RNF214: variants seen among roughly 807,000 people sequenced by gnomAD.
RNF214 encodes the protein ring finger protein 214.
RNF214 carries 25 observed loss-of-function variants against 75.9 expected under a neutral mutation model. The observed-to-expected ratio is 0.33, with a 90% CI of 0.24 to 0.46. The LOEUF (loss-of-function observed/expected upper bound fraction) is 0.46, where lower values mean the gene tolerates loss of function less well. Among genes scored for constraint, RNF214 ranks in the 20% least tolerant of loss-of-function variants. RNF214 has a pLI of 1.00. For synonymous variants in RNF214, 314 were observed against 308.8 expected, an observed-to-expected ratio of 1.02 and a Z score of -0.18; for missense variants, 725 against 857.5, an observed-to-expected ratio of 0.85 and a Z score of 1.93.
intron 6 of RNF214, among the ~76,000 whole-genome samples, chr11:117,257,905 T>A (rs961810604): frequency 3.9e-5 from 6 of 152,194 alleles, no homozygotes; most frequent in African/African-American, 1.4e-4. Flanking sequence ...ATTAAATTAC[T>A]GGATTTACTT....
chr11:117,276,791 A>G (rs908741341), intron 6 of RNF214, among the ~76,000 whole-genome samples: 12 of 152,322 alleles, frequency 7.9e-5, no homozygotes, highest in East Asian at 5.8e-4. Context: ...GTAGTTGACA[A>G]TGTGTTTAAT....
chr11:117,274,031 G>C (rs1459544307), intron 6 of RNF214, among the ~76,000 whole-genome samples: 1 of 152,122 alleles, frequency 6.6e-6, no homozygotes, highest in African/African-American at 2.4e-5. Context: ...GAGGCAGCAG[G>C]CGCAAAACAC....
At position 117,283,171 on chromosome 11, in the gene RNF214, G is replaced by C; in HGVS notation, c.2007G>C (p.Glu669Asp). Residue 669 changes from glutamate to aspartate, a missense_variant, in exon 14 of 15, where the codon GAG (glutamate) becomes GAC (aspartate). Around this residue, in one of 2 missense-constraint regions of RNF214, gnomAD observed 363 missense variants for 513.0 expected, o/e 0.71. Transcript: ENST00000300650. ...LMCQKLVQPS[E>D]LHPMACTHVL... Reference sequence around the variant, plus strand: ...GCCAGAAACTCGTCCAGCCCAGTGAGCTGCATCCAATGGCGTGTACCCATG... The same window carrying C: ...GCCAGAAACTCGTCCAGCCCAGTGACCTGCATCCAATGGCGTGTACCCATG... 1.2e-6 allele frequency: 2 copies of C among 1,614,082 alleles called. No homozygotes were observed. The highest frequency in any genetic ancestry group is 1.7e-6 in the Non-Finnish European group (2 of 1,179,964).
chr11:117,278,510 A>G (rs2034062264), intron 6 of RNF214, among the ~76,000 whole-genome samples: 1 of 152,122 alleles, frequency 6.6e-6, no homozygotes, highest in Non-Finnish European at 1.5e-5. Context: ...AACGGCCTCT[A>G]TAGTTCTGAG....
intron 6 of RNF214, among the ~76,000 whole-genome samples, chr11:117,278,602 T>G (rs2034064101): frequency 6.6e-6 from 1 of 151,652 alleles, no homozygotes; most frequent in African/African-American, 2.4e-5. Context: ...ACCAGGAGAG[T>G]TGGTCACTGT....
Position 117,281,250 on chromosome 11 carries a change from C to T in RNF214, c.1146-64C>T, listed in dbSNP as rs558019276. The T allele has an allele frequency of 6.0e-3, 6,760 of 1,131,182 alleles. 26 individuals are homozygous for T. Among genetic ancestry groups the T allele is most frequent in the Non-Finnish European group, 7.6e-3 (5,670 of 749,282 alleles). 70.1% of individuals were successfully genotyped at this position (1,131,182 alleles called of 1,614,324 possible). On this transcript the variant is annotated intron_variant, in intron 8 of 14. Transcript: ENST00000300650. ...TGGCCTCTTGTGCTGGGATTACAGGCGTGAGTCACTGTTCCTAGCAGGGCT... is the reference window on the plus strand; with the variant it reads ...TGGCCTCTTGTGCTGGGATTACAGGTGTGAGTCACTGTTCCTAGCAGGGCT...
intron 6 of RNF214, among the ~76,000 whole-genome samples, chr11:117,252,713 G>T (rs2033429226): frequency 6.6e-6 from 1 of 151,728 alleles, no homozygotes; most frequent in South Asian, 2.1e-4. Flanking sequence ...GTAGAGACGG[G>T]GTTTCACTGT....
chr11:117,245,702 C>T (rs1009613439), intron 5 of RNF214, among the ~76,000 whole-genome samples: 12 of 152,092 alleles, frequency 7.9e-5, no homozygotes. Flanking sequence ...TGTTATGCAG[C>T]TATTTTTGAA....
intron 1 of RNF214, 69 bp from the exon 2 acceptor site, chr11:117,234,198 A>T: frequency 8.8e-7 from 1 of 1,133,446 alleles, no homozygotes; most frequent in Non-Finnish European, 1.3e-6. Flanking sequence ...GGACATTCTG[A>T]GGGGGGAGAG....
At chr11:117,274,395 T>C (rs1242499575) in intron 6 of RNF214, among the ~76,000 whole-genome samples, 3 of 130,810 alleles carry the variant, frequency 2.3e-5, no homozygotes, top group African/African-American at 8.7e-5. Flanking sequence ...GGAGACTTGC[T>C]CTTGTTGCCC....
At chr11:117,250,826 A>T (rs1488884475) in intron 6 of RNF214, among the ~76,000 whole-genome samples, 1 of 147,340 alleles carries the variant, frequency 6.8e-6, no homozygotes, top group Non-Finnish European at 1.5e-5. Context: ...CTTAACGAGC[A>T]TGCTGCCTTC....
chr11:117,257,868 A>G (rs1555055059), intron 6 of RNF214, among the ~76,000 whole-genome samples: 1 of 152,202 alleles, frequency 6.6e-6, no homozygotes, highest in Non-Finnish European at 1.5e-5. Context: ...GCTATTCAGT[A>G]ATCAACTGGG....
In RNF214 at chr11:117,239,677, T is replaced by C. The variant is rs2033017601; in HGVS notation, c.619-124T>C. 4 of 672,734 alleles carry C rather than the reference T, an allele frequency of 5.9e-6. No homozygotes were observed. In the South Asian group the frequency reaches 6.4e-5, roughly 11 times the overall value. 41.7% of individuals were successfully genotyped at this position (672,734 alleles called of 1,614,324 possible). A position where few individuals can be genotyped will look rare whatever the true frequency, so the allele number is the denominator to read the frequency against. On this transcript the variant is annotated intron_variant, in intron 3 of 14. Transcript: ENST00000300650. ...GCCAGAACTACATTGCTTAGCTTGCTTGGAAGCTGGTAAGGGGAAAGAGTA... is the reference window on the plus strand; with the variant it reads ...GCCAGAACTACATTGCTTAGCTTGCCTGGAAGCTGGTAAGGGGAAAGAGTA...
chr11:117,285,226 T>G lies in RNF214; in HGVS notation c.*75T>G, dbSNP rs2034229063. On this transcript the variant is annotated 3_prime_UTR_variant, in exon 15 of 15. Coordinates refer to ENST00000300650, the MANE Select transcript of RNF214 (RefSeq NM_207343.4). ...CGCGGGTTCAAGATTTCTAAAACTC[T>G]ATATTTATACAGTGACATATACTCA... The G allele has an allele frequency of 1.0e-6, 1 of 987,982 alleles. No individual in the cohort carries two copies. The highest frequency in any genetic ancestry group is 1.6e-5 in the African/African-American group (1 of 62,520). 61.2% of individuals were successfully genotyped at this position (987,982 alleles called of 1,614,324 possible).
At position 117,285,116 on chromosome 11, in the gene RNF214, A is replaced by G; in HGVS notation, c.2077A>G (p.Asn693Asp). ...CIKFWAQTNT[N>D]DTCPFCPTLK Reference sequence around the variant, plus strand: ...CAAATTCTGGGCCCAGACCAACACAAATGACACTTGTCCCTTTTGTCCAAC... The same window carrying G: ...CAAATTCTGGGCCCAGACCAACACAGATGACACTTGTCCCTTTTGTCCAAC... The change falls in exon 15 of 15, where the codon AAT (asparagine) becomes GAT (aspartate). Residue 693 changes from asparagine (N) to aspartate (D), a missense_variant. This residue lies in a region of RNF214 where 363 missense variants were observed against 513.0 expected (regional missense o/e 0.71). Coordinates refer to ENST00000300650, the MANE Select transcript of RNF214 (RefSeq NM_207343.4). The G allele has an allele frequency of 6.2e-7, 1 of 1,613,076 alleles. No homozygotes were observed. Among genetic ancestry groups the G allele is most frequent in the Non-Finnish European group, 8.5e-7 (1 of 1,179,118 alleles).
intron 6 of RNF214, among the ~76,000 whole-genome samples, chr11:117,270,241 CTTTTTTTTTTTT>C (rs57144374): frequency 5.3e-5 from 4 of 75,852 alleles, no homozygotes; most frequent in African/African-American, 1.1e-4. Flanking sequence ...CTTTTCTTTT[CTTTTTTTTTTTT>C]TTTTTTTTTT....
rs778125603 is a variant in RNF214, at chr11:117,285,671, T to C, written c.*520T>C. 6.5e-6 allele frequency: 1 copy of C among 152,720 alleles called. No individual in the cohort carries two copies. The highest frequency in any genetic ancestry group is 1.5e-5 in the Non-Finnish European group (1 of 68,174). The allele number at this position is 152,720 out of a possible 1,614,324, so 9.5% of individuals were successfully genotyped here. A position where few individuals can be genotyped will look rare whatever the true frequency, so the allele number is the denominator to read the frequency against. On this transcript the variant is annotated 3_prime_UTR_variant, in exon 15 of 15. Transcript: ENST00000300650. ...CCAAATGGATAAAATGAGACTCTGA[T>C]TGAGGAAAAAAAAGTAACCCTAGTA...
At chr11:117,263,166 TG>T (rs2033709640) in intron 6 of RNF214, among the ~76,000 whole-genome samples, 1 of 152,086 alleles carries the variant, frequency 6.6e-6, no homozygotes. Flanking sequence ...GAAACTGTAT[TG>T]TTAGATACAC....
intron 6 of RNF214, among the ~76,000 whole-genome samples, chr11:117,249,989 C>T (rs2134373626): frequency 6.6e-6 from 1 of 152,282 alleles, no homozygotes; most frequent in East Asian, 1.9e-4. Flanking sequence ...GTTCAGCCAG[C>T]ATTTATTGAG....
Sources: allele counts gnomAD v4.1 joint callset (sites outside exome capture counted in the v4.1 genomes callset), GRCh38; gene constraint gnomAD v4.1.1; regional missense constraint gnomAD v4.1.1; transcripts MANE v1.5; gene names NCBI Gene and HGNC (gene_info 2026-07-23, HGNC 2026-07-21).